Variants in ZMYND11 observed in about 807,000 individuals in gnomAD.
The protein encoded by ZMYND11 is zinc finger MYND-type containing 11.
A neutral mutation model predicts 84.9 loss-of-function variants in ZMYND11; 9 were observed. That is an observed-to-expected ratio of 0.11 (90% CI 0.06 to 0.18). The LOEUF is 0.18. ZMYND11 is among the 10% of genes least tolerant of loss of function. The pLI is 1.00. For synonymous variants in ZMYND11, 250 were observed against 244.1 expected (o/e 1.02, Z -0.23); for missense variants, 409 against 761.0 (o/e 0.54, Z 5.44).
In ZMYND11 at chr10:252,247, A is replaced by G; in HGVS notation, c.1687-101A>G. The G allele has an allele frequency of 2.1e-6, 3 of 1,402,242 alleles. No individual in the cohort carries two copies. The highest frequency in any genetic ancestry group is 2.9e-6 in the Non-Finnish European group (3 of 1,027,486). The allele number at this position is 1,402,242 out of a possible 1,614,324, so 86.9% of individuals were successfully genotyped here. A position where few individuals can be genotyped will look rare whatever the true frequency, so the allele number is the denominator to read the frequency against. On this transcript the variant is annotated intron_variant, in intron 14 of 14. Coordinates refer to ENST00000381604, the MANE Select transcript of ZMYND11 (RefSeq NM_001370100.5). The surrounding 1 kb of genome is among the most constrained non-coding windows in gnomAD (Gnocchi z 4.6). The stretch of plus-strand genomic sequence containing the variant: ...CAGATTCCACAAAAGGTTGAGCCAG[A>G]AAGATCTTTTAAAAGCACCACCTCA...
intron 2 of ZMYND11, among the ~76,000 whole-genome samples, chr10:193,667 T>A (rs1286052253): frequency 6.6e-6 from 1 of 152,242 alleles, no homozygotes; most frequent in African/African-American, 2.4e-5. Context: ...ACTAATGACC[T>A]GTGCAACCAC....
intron 4 of ZMYND11, among the ~76,000 whole-genome samples, chr10:226,200 A>G (rs189532444): frequency 2.7e-4 from 41 of 152,310 alleles, no homozygotes; most frequent in African/African-American, 9.9e-4. Flanking sequence ...AAAGAAGCAT[A>G]TAACTACTTG....
intron 4 of ZMYND11, among the ~76,000 whole-genome samples, chr10:231,529 C>T (rs1949016438): frequency 6.6e-6 from 1 of 152,142 alleles, no homozygotes; most frequent in African/African-American, 2.4e-5. Flanking sequence ...AAATTCTGTA[C>T]TAATAAAGGT....
intron 5 of ZMYND11, 93 bp downstream of exon 5, chr10:237,008 T>TATGTACATAGC: frequency 8.2e-7 from 1 of 1,217,090 alleles, no homozygotes; most frequent in Non-Finnish European, 1.2e-6. Context: ...AAGTAACAAA[T>TATGTACATAGC]ATGTACATAG....
intron 2 of ZMYND11, among the ~76,000 whole-genome samples, chr10:209,579 G>T (rs1944804513): frequency 6.6e-6 from 1 of 152,152 alleles, no homozygotes; most frequent in Admixed American, 6.6e-5. Context: ...AAACTAAATG[G>T]GATGTTTGAC....
At chr10:209,857 G>C in intron 2 of ZMYND11, 32 bp from the exon 3 acceptor site, 1 of 1,575,220 alleles carries the variant, frequency 6.3e-7, no homozygotes, top group Middle Eastern at 1.7e-4. Context: ...AGTACTGAAA[G>C]ATTTTTAAAT....
intron 2 of ZMYND11, among the ~76,000 whole-genome samples, chr10:185,160 G>A (rs1937852850): frequency 6.6e-6 from 1 of 152,046 alleles, no homozygotes; most frequent in Non-Finnish European, 1.5e-5. Context: ...CTATTATCAA[G>A]TGGGCCTACT....
chr10:174,157 C>T (rs115876355), intron 1 of ZMYND11, among the ~76,000 whole-genome samples: 3,005 of 152,226 alleles, frequency 0.02, 94 homozygotes, highest in African/African-American at 0.068. Flanking sequence ...GCAACCTTTC[C>T]TCGAGTAGGT....
intron 1 of ZMYND11, among the ~76,000 whole-genome samples, chr10:142,404 G>A (rs1480658575): frequency 6.6e-6 from 1 of 152,092 alleles, no homozygotes; most frequent in Non-Finnish European, 1.5e-5. Flanking sequence ...TTTTTTAAAG[G>A]TGTCACTTTT....
chr10:200,240 A>AT (rs1164672448), intron 2 of ZMYND11, among the ~76,000 whole-genome samples: 3 of 23,996 alleles, frequency 1.3e-4, no homozygotes, highest in Middle Eastern at 0.033. Context: ...TATATATAAA[A>AT]ATATATATAT....
chr10:135,356 C>G (rs1411543106), upstream of ZMYND11: 16 of 150,752 alleles, frequency 1.1e-4, no homozygotes, highest in African/African-American at 3.9e-4. The surrounding 1 kb of genome is among the most constrained non-coding windows in gnomAD (Gnocchi z 5.6). Context: ...CGCGCGGAGC[C>G]GGCGGCGGGG....
chr10:227,998 T>C (rs930272156), intron 4 of ZMYND11, among the ~76,000 whole-genome samples: 5 of 152,226 alleles, frequency 3.3e-5, no homozygotes, highest in Admixed American at 2.0e-4. Context: ...CTTATAATTT[T>C]ATACTAACAA....
chr10:136,746 T>C (rs1554752304), intron 1 of ZMYND11, among the ~76,000 whole-genome samples: 3 of 152,146 alleles, frequency 2.0e-5, no homozygotes, highest in African/African-American at 7.2e-5. Flanking sequence ...AGGTGTCATA[T>C]ACTGTGTGCA....
intron 1 of ZMYND11, among the ~76,000 whole-genome samples, chr10:137,347 AG>A (rs1325303347): frequency 6.6e-6 from 1 of 152,122 alleles, no homozygotes; most frequent in Admixed American, 6.5e-5. Context: ...TTGGGTTTTT[AG>A]GGAGGTCTAG....
chr10:164,266 C>T (rs897060637), intron 1 of ZMYND11, among the ~76,000 whole-genome samples: 29 of 152,248 alleles, frequency 1.9e-4, no homozygotes, highest in Non-Finnish European at 3.5e-4. Flanking sequence ...CAATTAACGG[C>T]TTTTGCATGT....
chr10:239,813 T>A, intron 7 of ZMYND11: 1 of 548,296 alleles, frequency 1.8e-6, no homozygotes, highest in Non-Finnish European at 3.2e-6. Flanking sequence ...TTCTGATCAT[T>A]TCCCCACTAG....
intron 9 of ZMYND11, among the ~76,000 whole-genome samples, chr10:241,269 C>T (rs529189108): frequency 1.3e-5 from 2 of 152,222 alleles, no homozygotes; most frequent in East Asian, 3.9e-4. Flanking sequence ...TTGACCTCCT[C>T]CAGGCTCAAG....
chr10:217,500 C>T (rs1049476496), intron 3 of ZMYND11, among the ~76,000 whole-genome samples: 12 of 142,668 alleles, frequency 8.4e-5, no homozygotes, highest in African/African-American at 2.4e-4. Context: ...TCCAGCCTGG[C>T]GAGATTCTGT....
chr10:178,107 T>A (rs1847062161), intron 1 of ZMYND11, among the ~76,000 whole-genome samples: 1 of 152,254 alleles, frequency 6.6e-6, no homozygotes, highest in South Asian at 2.1e-4. Context: ...GCTGAAATTT[T>A]ACCTCAGCGA....
Sources: allele counts gnomAD v4.1 joint callset (sites outside exome capture counted in the v4.1 genomes callset), GRCh38; gene constraint gnomAD v4.1.1; non-coding constraint Gnocchi (gnomAD v3.1); transcripts MANE v1.5; gene names NCBI Gene and HGNC (gene_info 2026-07-23, HGNC 2026-07-21).